UPRT: variants seen among roughly 807,000 people sequenced by gnomAD.
UPRT encodes RP11-311P8.3.
In UPRT, 5 loss-of-function variants were observed where a neutral mutation model predicts 22.6. That is an observed-to-expected ratio of 0.22 (90% CI 0.12 to 0.47). The LOEUF (loss-of-function observed/expected upper bound fraction) is 0.47, where lower values mean the gene tolerates loss of function less well. Ranked by LOEUF, UPRT falls within the 20% of genes least tolerant of loss-of-function variation. The pLI is 0.99. For synonymous variants in UPRT, 77 were observed against 87.7 expected (o/e 0.88, Z 0.68); for missense variants, 181 against 239.9 (o/e 0.75, Z 1.62).
intron 4 of UPRT, among the ~76,000 whole-genome samples, chrX:75,241,809 G>A (rs1276950203): frequency 9.0e-6 from 1 of 111,525 alleles, no homozygotes; most frequent in African/African-American, 3.3e-5. Context: ...TCTAAGTGAA[G>A]TAACTCAGGA....
At chrX:75,248,464 G>A (rs1168106855) in intron 4 of UPRT, among the ~76,000 whole-genome samples, 2 of 111,871 alleles carry the variant, frequency 1.8e-5, no homozygotes, top group Non-Finnish European at 3.8e-5. Context: ...TATCAGCGAT[G>A]GAAGACAAAA....
At chrX:75,225,396 G>A (rs1326539413) in intron 4 of UPRT, among the ~76,000 whole-genome samples, 1 of 107,715 alleles carries the variant, frequency 9.3e-6, no homozygotes, top group Non-Finnish European at 1.9e-5. Context: ...TAAGAAGGGA[G>A]CTCCTACCTC....
chrX:75,277,217 T>A (rs996657927), intron 1 of UPRT, among the ~76,000 whole-genome samples: 24 of 111,705 alleles, frequency 2.1e-4, no homozygotes, highest in African/African-American at 7.2e-4. Context: ...CCTTTTTTTT[T>A]AGAGGGTGAG....
intron 1 of UPRT, among the ~76,000 whole-genome samples, chrX:75,281,166 G>A (rs903804876): frequency 5.4e-5 from 6 of 111,230 alleles, no homozygotes; most frequent in African/African-American, 2.0e-4. Flanking sequence ...GCTTTCTGGA[G>A]GAGCCTTTAG....
chrX:75,225,323 C>CCACACACACACACACACACA (rs57493246), intron 4 of UPRT, among the ~76,000 whole-genome samples: 5 of 82,041 alleles, frequency 6.1e-5, no homozygotes, highest in Admixed American at 2.9e-4. Context: ...AAACCAAAAA[C>CCACACACACACACACACACA]CACACACACA....
At chrX:75,227,020 A>G (rs984051567) in intron 4 of UPRT, among the ~76,000 whole-genome samples, 3 of 111,006 alleles carry the variant, frequency 2.7e-5, no homozygotes, top group African/African-American at 9.8e-5. Context: ...CTCATTGCAA[A>G]TTGGGCACAA....
At chrX:75,249,792 T>C (rs759274728) in intron 4 of UPRT, among the ~76,000 whole-genome samples, 6 of 111,372 alleles carry the variant, frequency 5.4e-5, no homozygotes, top group Admixed American at 2.9e-4. Flanking sequence ...TATTCCAAAA[T>C]TGACCACATA....
chrX:75,221,079 G>A (rs997416178), intron 4 of UPRT, among the ~76,000 whole-genome samples: 14 of 111,366 alleles, frequency 1.3e-4, no homozygotes, highest in African/African-American at 4.2e-4. Context: ...CATTTTTATG[G>A]GATATACTAT....
At chrX:75,171,963 A>G (rs780182212) in intron 4 of UPRT, among the ~76,000 whole-genome samples, 35 of 112,011 alleles carry the variant, frequency 3.1e-4, no homozygotes, top group Non-Finnish European at 4.7e-4. Context: ...CATGGATACC[A>G]GCACCTGCTC....
At chrX:75,281,834 G>A (rs779312541) in intron 1 of UPRT, among the ~76,000 whole-genome samples, 1 of 111,330 alleles carries the variant, frequency 9.0e-6, no homozygotes, top group Non-Finnish European at 1.9e-5. Flanking sequence ...GTGTCAAAAG[G>A]AATGTTTTCA....
chrX:75,266,954 A>T (rs1239669547), intron 4 of UPRT, among the ~76,000 whole-genome samples: 1 of 111,229 alleles, frequency 9.0e-6, no homozygotes, highest in Non-Finnish European at 1.9e-5. Flanking sequence ...TCTGGAGAGG[A>T]TGTGGAGAAA....
At chrX:75,194,754 G>A (rs754172672) in intron 4 of UPRT, among the ~76,000 whole-genome samples, 54 of 111,368 alleles carry the variant, frequency 4.8e-4, no homozygotes, top group African/African-American at 1.7e-3. Context: ...CAACAAAAGT[G>A]TTTGTGTAGG....
chrX:75,273,023 C>G (rs934185402), upstream of UPRT, among the ~76,000 whole-genome samples: 2 of 111,876 alleles, frequency 1.8e-5, no homozygotes, highest in Admixed American at 1.9e-4. Context: ...ATGTCCTTTG[C>G]AGGGACATGG....
At chrX:75,187,588 A>T (rs768890072) in intron 4 of UPRT, among the ~76,000 whole-genome samples, 2 of 111,942 alleles carry the variant, frequency 1.8e-5, no homozygotes, top group East Asian at 5.6e-4. Flanking sequence ...AGATTGGGGA[A>T]GTTCTCCCGA....
intron 4 of UPRT, among the ~76,000 whole-genome samples, chrX:75,268,364 T>C (rs2082597317): frequency 1.8e-5 from 2 of 111,448 alleles, no homozygotes; most frequent in Non-Finnish European, 3.8e-5. Context: ...TTTGAAACTA[T>C]TCCAAACAAT....
chrX:75,179,508 C>T (rs764090733), intron 4 of UPRT, among the ~76,000 whole-genome samples: 7 of 113,589 alleles, frequency 6.2e-5, no homozygotes, highest in South Asian at 3.6e-4. Flanking sequence ...TCGCGCCATG[C>T]GCTCGCACTC....
intron 4 of UPRT, among the ~76,000 whole-genome samples, chrX:75,200,700 G>A (rs775781994): frequency 4.9e-4 from 54 of 110,126 alleles, no homozygotes; most frequent in Admixed American, 9.6e-4. Context: ...GCCTGTAATC[G>A]CAGCACTTTG....
intron 1 of UPRT, among the ~76,000 whole-genome samples, chrX:75,280,204 A>C (rs2082649201): frequency 9.1e-6 from 1 of 109,975 alleles, no homozygotes; most frequent in African/African-American, 3.3e-5. Flanking sequence ...TAGATTGTGA[A>C]GATTTTCTCC....
At chrX:75,181,203 A>C (rs1471117687) in intron 4 of UPRT, among the ~76,000 whole-genome samples, 1 of 110,493 alleles carries the variant, frequency 9.1e-6, no homozygotes, top group Non-Finnish European at 1.9e-5. Flanking sequence ...ATTCTGCTTC[A>C]TTGGTGTACG....
Sources: allele counts gnomAD v4.1 joint callset (sites outside exome capture counted in the v4.1 genomes callset), GRCh38; gene constraint gnomAD v4.1.1; transcripts MANE v1.5; gene names NCBI Gene and HGNC (gene_info 2026-07-23, HGNC 2026-07-21).